EDIL3: variants seen among roughly 807,000 people sequenced by gnomAD.
EDIL3 encodes EGF-like repeat and discoidin I-like domain-containing protein 3.
Under a neutral mutation model 67.4 loss-of-function variants are expected in EDIL3, and 37 were observed. That is an observed-to-expected ratio of 0.55 (90% confidence interval 0.42 to 0.72). EDIL3 has a LOEUF of 0.72. EDIL3 is among the 30% of genes least tolerant of loss of function. The probability of loss-of-function intolerance (pLI) is 0.00; values close to 1 mark genes in which losing one functional copy is unlikely to be tolerated. For synonymous variants in EDIL3, 195 were observed against 196.3 expected, an observed-to-expected ratio of 0.99 and a Z score of 0.05; for missense variants, 527 against 586.3, an observed-to-expected ratio of 0.90 and a Z score of 1.04.
intron 9 of EDIL3, among the ~76,000 whole-genome samples, chr5:83,995,157 T>TACAC (rs370763993): frequency 0.037 from 5,494 of 148,518 alleles, 206 homozygotes; most frequent in African/African-American, 0.1. Context: ...CACACACACA[T>TACAC]ACACACACAC....
chr5:84,031,562 T>C (rs1422871261), intron 9 of EDIL3, among the ~76,000 whole-genome samples: 1 of 152,202 alleles, frequency 6.6e-6, no homozygotes, highest in Non-Finnish European at 1.5e-5. Flanking sequence ...TGAATGGAAC[T>C]GGTATCCATG....
intron 4 of EDIL3, among the ~76,000 whole-genome samples, chr5:84,146,685 C>A (rs1024081655): frequency 6.6e-6 from 1 of 152,006 alleles, no homozygotes; most frequent in Admixed American, 6.6e-5. Flanking sequence ...CAACCACTTG[C>A]TTATGTAAAA....
intron 1 of EDIL3, among the ~76,000 whole-genome samples, chr5:84,277,611 T>A (rs914585404): frequency 6.6e-6 from 1 of 152,184 alleles, no homozygotes; most frequent in African/African-American, 2.4e-5. Flanking sequence ...CATAATTCAG[T>A]ATGAGTGCCA....
At chr5:83,954,922 A>G (rs972276848) in intron 10 of EDIL3, among the ~76,000 whole-genome samples, 12 of 151,918 alleles carry the variant, frequency 7.9e-5, no homozygotes, top group Middle Eastern at 6.8e-3. Context: ...ATGAATGATA[A>G]CATCACTGAA....
chr5:84,309,579 C>T (rs201486406), intron 1 of EDIL3, among the ~76,000 whole-genome samples: 61,558 of 150,108 alleles, frequency 0.41, 12,884 homozygotes, highest in South Asian at 0.48. Flanking sequence ...CACCTATGAG[C>T]GAGAATATAC....
intron 4 of EDIL3, among the ~76,000 whole-genome samples, chr5:84,170,355 G>A (rs1338677511): frequency 6.6e-6 from 1 of 152,188 alleles, no homozygotes; most frequent in Non-Finnish European, 1.5e-5. Context: ...AACATAGTAA[G>A]ACCCAATGCC....
chr5:84,171,979 A>G (rs1748820421), intron 4 of EDIL3, among the ~76,000 whole-genome samples: 1 of 152,170 alleles, frequency 6.6e-6, no homozygotes, highest in Non-Finnish European at 1.5e-5. Context: ...ATAATCAGAC[A>G]TGGCTCCAAA....
At chr5:84,190,549 A>ATGTGTGTGTGTGTGTG (rs1220169426) in intron 3 of EDIL3, among the ~76,000 whole-genome samples, 6 of 134,898 alleles carry the variant, frequency 4.4e-5, no homozygotes, top group African/African-American at 1.7e-4. Context: ...ATATATATAT[A>ATGTGTGTGTGTGTGTG]TATGTGTGTG....
At chr5:83,998,113 G>T (rs149586994) in intron 9 of EDIL3, among the ~76,000 whole-genome samples, 1 of 152,176 alleles carries the variant, frequency 6.6e-6, no homozygotes, top group Non-Finnish European at 1.5e-5. Flanking sequence ...CTGGGAGCCC[G>T]TGGATATGGG....
At position 84,239,709 on chromosome 5, in the gene EDIL3, A is replaced by G. The variant is rs79774217; in HGVS notation, c.197-9825T>C. ...GGAGAATATAACTGGCATGCAAACA[A>G]TGTCAAAGGTATCTTTGCAACGGGA... On this transcript the variant is annotated intron_variant, in intron 2 of 10. Transcript: ENST00000296591. 1.6e-4 allele frequency among the ~76,000 whole-genome samples: 25 copies of G among 152,330 alleles called. No homozygotes were observed. The East Asian group carries it at 4.6e-3, about 28-fold the overall frequency.
At chr5:84,318,884 G>A (rs1017027500) in intron 1 of EDIL3, among the ~76,000 whole-genome samples, 6 of 152,110 alleles carry the variant, frequency 3.9e-5, no homozygotes, top group African/African-American at 1.4e-4. Flanking sequence ...TACAGATTGG[G>A]AGAAAATTTT....
At chr5:84,254,954 T>A (rs13160778) in intron 1 of EDIL3, among the ~76,000 whole-genome samples, 122,831 of 152,162 alleles carry the variant, frequency 0.81, 49,948 homozygotes, top group East Asian at 0.95. Context: ...TTATGTAGTG[T>A]GTAACAATTG....
At chr5:84,128,800 A>G (rs759141431) in intron 5 of EDIL3, among the ~76,000 whole-genome samples, 4 of 152,146 alleles carry the variant, frequency 2.6e-5, no homozygotes, top group Non-Finnish European at 5.9e-5. Flanking sequence ...ACTGGAAAAT[A>G]TAAGAGCAAG....
At position 84,384,323 on chromosome 5, in the gene EDIL3, G is replaced by A. The variant is rs1188140178; in HGVS notation, c.52C>T (p.Pro18Ser). 5 of 1,610,876 alleles carry A rather than the reference G, an allele frequency of 3.1e-6. No homozygotes were observed. The highest frequency in any genetic ancestry group is 3.3e-4 in the Middle Eastern group (2 of 6,052). Residue 18 changes from proline to serine, a missense_variant, in exon 1 of 11, where the codon CCC becomes TCC. Pro to Ser is a moderately conservative substitution (Grantham distance 74). Around this residue, in one of 2 missense-constraint regions of EDIL3, gnomAD observed 494 missense variants for 522.5 expected, o/e 0.95. Transcript: ENST00000296591. Reference protein sequence around the residue: ...WLLVGLSLGVPQFGKGDICDP... With the variant: ...WLLVGLSLGVSQFGKGDICDP... ...GACGCCTTACCTTTGCCGAACTGGG[G>A]GACACCGAGGCTGAGCCCGACCAAG...
chr5:83,971,596 A>AT (rs750390103), intron 9 of EDIL3, among the ~76,000 whole-genome samples: 96 of 151,268 alleles, frequency 6.3e-4, no homozygotes, highest in Middle Eastern at 3.4e-3. Context: ...CCCACTTAAA[A>AT]TTTTTTTTTC....
At chr5:83,944,874 T>TA (rs1744285506) in intron 10 of EDIL3, among the ~76,000 whole-genome samples, 1 of 151,946 alleles carries the variant, frequency 6.6e-6, no homozygotes, top group Non-Finnish European at 1.5e-5. Flanking sequence ...ATAAAATCCT[T>TA]AAAGTAGAAA....
chr5:84,374,852 T>C (rs1311844058), intron 1 of EDIL3, among the ~76,000 whole-genome samples: 4 of 152,194 alleles, frequency 2.6e-5, no homozygotes, highest in African/African-American at 9.6e-5. Flanking sequence ...AGGTCCTTGC[T>C]TCCCCTTCGG....
intron 1 of EDIL3, among the ~76,000 whole-genome samples, chr5:84,297,177 G>GAAAAAAAAAAAAAAAAA (rs61365875): frequency 1.6e-5 from 1 of 63,226 alleles, no homozygotes; most frequent in Non-Finnish European, 2.8e-5. Flanking sequence ...GCAAGACTCC[G>GAAAAAAAAAAAAAAAAA]AAAAAAAAAA....
At chr5:84,169,729 T>C (rs530326044) in intron 4 of EDIL3, among the ~76,000 whole-genome samples, 1 of 151,940 alleles carries the variant, frequency 6.6e-6, no homozygotes, top group South Asian at 2.1e-4. Flanking sequence ...GGTCCTTCCT[T>C]TGCATTGCTG....
Sources: allele counts gnomAD v4.1 joint callset (sites outside exome capture counted in the v4.1 genomes callset), GRCh38; gene constraint gnomAD v4.1.1; regional missense constraint gnomAD v4.1.1; transcripts MANE v1.5; gene names NCBI Gene and HGNC (gene_info 2026-07-23, HGNC 2026-07-21).